The following CUX1 variants were observed in gnomAD, a reference collection of about 807,000 sequenced individuals.
The protein encoded by CUX1 is protein CASP.
A neutral mutation model predicts 158.8 loss-of-function variants in CUX1; 31 were observed. That is an observed-to-expected ratio of 0.20 (90% CI 0.15 to 0.26). The LOEUF (loss-of-function observed/expected upper bound fraction) is 0.26, where lower values mean the gene tolerates loss of function less well. CUX1 is among the 10% of genes least tolerant of loss of function. CUX1 has a pLI of 1.00. For missense variants in CUX1, 1,589 were observed against 2,014.6 expected, an observed-to-expected ratio of 0.79 and a Z score of 4.04; for synonymous variants, 879 against 862.1, an observed-to-expected ratio of 1.02 and a Z score of -0.34.
chr7:102,207,672 G>A (rs367887555), intron 20 of CUX1, among the ~76,000 whole-genome samples: 33 of 152,212 alleles, frequency 2.2e-4, no homozygotes, highest in African/African-American at 6.5e-4. Context: ...GGCCGGTCTC[G>A]AACTCCTGAT....
chr7:102,143,179 C>T (rs1486512843), intron 8 of CUX1, among the ~76,000 whole-genome samples: 2 of 152,208 alleles, frequency 1.3e-5, no homozygotes, highest in Non-Finnish European at 2.9e-5. Context: ...GTAGGCCTCT[C>T]ACCATGACAG....
intron 20 of CUX1, among the ~76,000 whole-genome samples, chr7:102,221,199 G>A (rs782244591): frequency 2.0e-4 from 31 of 152,238 alleles, no homozygotes; most frequent in Admixed American, 3.9e-4. Flanking sequence ...CAGACCAGCC[G>A]CCAGTTAAAT....
chr7:102,234,283 A>T (rs1586365685), intron 22 of CUX1, 43 bp downstream of exon 22: 3 of 1,443,578 alleles, frequency 2.1e-6, no homozygotes, highest in Non-Finnish European at 2.7e-6. Flanking sequence ...GTCCGCATTC[A>T]TAGACAGGCT....
chr7:101,954,393 T>C (rs1187806781), intron 2 of CUX1, among the ~76,000 whole-genome samples: 1 of 152,234 alleles, frequency 6.6e-6, no homozygotes, highest in Non-Finnish European at 1.5e-5. Flanking sequence ...CAATAAATGT[T>C]AGCCACTGTG....
intron 1 of CUX1, among the ~76,000 whole-genome samples, chr7:101,871,525 G>A (rs1209701007): frequency 3.3e-5 from 5 of 152,090 alleles, no homozygotes; most frequent in African/African-American, 9.7e-5. Flanking sequence ...TCTTAGAGGC[G>A]ACCTTGGGCA....
chr7:101,993,955 A>G (rs1189854453), intron 2 of CUX1, among the ~76,000 whole-genome samples: 1 of 152,068 alleles, frequency 6.6e-6, no homozygotes, highest in East Asian at 1.9e-4. Context: ...CCAGCTCTGT[A>G]TCCATCTGCC....
intron 2 of CUX1, among the ~76,000 whole-genome samples, chr7:101,934,931 C>T (rs190349576): frequency 1.3e-4 from 19 of 151,980 alleles, no homozygotes; most frequent in African/African-American, 1.2e-4. Flanking sequence ...CAGCATTGCC[C>T]GGGGTGAGGA....
chr7:102,283,069 G>A (rs781989463), exon 23 of CUX1: 29 of 1,613,412 alleles, frequency 1.8e-5, no homozygotes, highest in South Asian at 5.5e-5. Context: ...ACGGGGCTGC[G>A]GCTGGTGACT....
At chr7:102,272,427 C>G (rs1554546478) in intron 14 of CUX1, among the ~76,000 whole-genome samples, 1 of 152,232 alleles carries the variant, frequency 6.6e-6, no homozygotes, top group African/African-American at 2.4e-5. Context: ...GCAGCCTACC[C>G]CAAAGGACAG....
intron 8 of CUX1, among the ~76,000 whole-genome samples, chr7:102,117,397 C>CAAAAAAAAAAAAA (rs10633602): frequency 4.3e-5 from 2 of 46,674 alleles, no homozygotes; most frequent in African/African-American, 9.9e-5. Flanking sequence ...GACTCCATCG[C>CAAAAAAAAAAAAA]AAAAAAAAAA....
chr7:102,199,369 A>G (rs1457319161), intron 16 of CUX1, among the ~76,000 whole-genome samples: 5 of 152,206 alleles, frequency 3.3e-5, no homozygotes, highest in Non-Finnish European at 7.3e-5. Context: ...TTAGGAAGGT[A>G]GTAAGAAATT....
chr7:102,075,838 C>T (rs1435088564), intron 4 of CUX1, among the ~76,000 whole-genome samples: 9 of 152,222 alleles, frequency 5.9e-5, no homozygotes, highest in African/African-American at 1.9e-4. Context: ...ATTTATACAG[C>T]ACTTAGCATT....
At chr7:101,903,140 C>G (rs573445765) in intron 1 of CUX1, among the ~76,000 whole-genome samples, 16 of 152,252 alleles carry the variant, frequency 1.1e-4, no homozygotes, top group African/African-American at 3.1e-4. Context: ...TGGTTGACCC[C>G]GAGGCCAAGA....
intron 1 of CUX1, among the ~76,000 whole-genome samples, chr7:101,860,748 C>A (rs1245331018): frequency 7.4e-6 from 1 of 134,446 alleles, no homozygotes; most frequent in Non-Finnish European, 1.6e-5. Flanking sequence ...TTCCTTCCTT[C>A]CTTCCTTCCT....
At chr7:102,164,908 G>A (rs1305976030) in intron 9 of CUX1, among the ~76,000 whole-genome samples, 3 of 152,014 alleles carry the variant, frequency 2.0e-5, no homozygotes, top group South Asian at 2.1e-4. Flanking sequence ...AGAAGGGGGT[G>A]GAAGATTGGA....
intron 3 of CUX1, among the ~76,000 whole-genome samples, chr7:102,031,858 A>C (rs1272659738): frequency 6.6e-6 from 1 of 152,040 alleles, no homozygotes; most frequent in Non-Finnish European, 1.5e-5. Flanking sequence ...CCTTGTTTGC[A>C]CATTAAATCT....
intron 21 of CUX1, among the ~76,000 whole-genome samples, chr7:102,229,596 G>A (rs1286642922): frequency 7.0e-6 from 1 of 143,754 alleles, no homozygotes; most frequent in African/African-American, 2.6e-5. Flanking sequence ...ACAGGCATGA[G>A]CCACCGTGTC....
intron 1 of CUX1, among the ~76,000 whole-genome samples, chr7:101,887,914 A>G (rs574035598): frequency 4.9e-4 from 72 of 147,082 alleles, no homozygotes; most frequent in Admixed American, 8.6e-4. Flanking sequence ...CGGAAAGCCC[A>G]GATGTCGTGG....
At chr7:102,062,417 T>C (rs1824993571) in intron 3 of CUX1, among the ~76,000 whole-genome samples, 1 of 152,234 alleles carries the variant, frequency 6.6e-6, no homozygotes, top group African/African-American at 2.4e-5. Flanking sequence ...TGGATTTCTA[T>C]GAAACTTGTT....
Sources: gnomAD v4.1 joint callset for allele counts (sites outside exome capture counted in the v4.1 genomes callset) on GRCh38, gnomAD v4.1.1 for gene constraint, MANE v1.5 for transcripts, NCBI Gene and HGNC (gene_info 2026-07-23, HGNC 2026-07-21) for gene names.